The following CLEC2L variants were observed in gnomAD, a reference collection of about 807,000 sequenced individuals.
The protein encoded by CLEC2L is C-type lectin domain family 2 member L.
CLEC2L carries 14 observed loss-of-function variants against 23.6 expected under a neutral mutation model. That is an observed-to-expected ratio of 0.59 (90% confidence interval 0.39 to 0.93). The LOEUF (loss-of-function observed/expected upper bound fraction) is 0.93. Among genes scored for constraint, CLEC2L ranks in the 40% least tolerant of loss-of-function variants. The pLI, the probability that CLEC2L is intolerant of heterozygous loss-of-function variation, is 0.00. For synonymous variants in CLEC2L, 114 were observed against 121.3 expected, an observed-to-expected ratio of 0.94 and a Z score of 0.40; for missense variants, 264 against 282.4, an observed-to-expected ratio of 0.93 and a Z score of 0.47.
intron 4 of CLEC2L, among the ~76,000 whole-genome samples, chr7:139,542,956 G>T (rs2116329827): frequency 6.6e-6 from 1 of 152,288 alleles, no homozygotes; most frequent in Non-Finnish European, 1.5e-5. Flanking sequence ...TAGGCTCTGA[G>T]GTGCCAGCCG....
chr7:139,538,368 G>A (rs1277307528), intron 2 of CLEC2L, among the ~76,000 whole-genome samples: 1 of 151,554 alleles, frequency 6.6e-6, no homozygotes, highest in Non-Finnish European at 1.5e-5. Flanking sequence ...GGGAAGCAGA[G>A]GTTGCAATGA....
intron 1 of CLEC2L, among the ~76,000 whole-genome samples, chr7:139,535,260 G>C (rs1474919620): frequency 1.3e-5 from 2 of 152,216 alleles, no homozygotes; most frequent in Non-Finnish European, 2.9e-5. Context: ...AACAATCTGT[G>C]AAAGGAACCA....
intron 1 of CLEC2L, among the ~76,000 whole-genome samples, chr7:139,530,097 T>C (rs1797558775): frequency 6.6e-6 from 1 of 150,622 alleles, no homozygotes; most frequent in Non-Finnish European, 1.5e-5. Context: ...GGCAGGAGAA[T>C]TGCTTGAACC....
Position 139,540,314 on chromosome 7 carries a change from C to A in CLEC2L, c.266-7C>A. Reference sequence around the variant, plus strand: ...CGGGCAGGGCCGAGCTGGTCTCTTCCCTGCAGCTTCCAAGGGCTGCATCAA... The same window carrying A: ...CGGGCAGGGCCGAGCTGGTCTCTTCACTGCAGCTTCCAAGGGCTGCATCAA... On this transcript the variant is annotated splice_polypyrimidine_tract_variant and splice_region_variant and intron_variant, in intron 2 of 4. Coordinates refer to ENST00000422142, the MANE Select transcript of CLEC2L (RefSeq NM_001080511.4). This position sits in a 1 kb window ranked among gnomAD's most constrained non-coding sequence, Gnocchi z 5.8. 6.2e-7 allele frequency: 1 copy of A among 1,603,848 alleles called. No homozygotes were observed. The highest frequency in any genetic ancestry group is 2.2e-5 in the East Asian group (1 of 44,518).
intron 3 of CLEC2L, among the ~76,000 whole-genome samples, chr7:139,541,365 G>A (rs1797733287): frequency 6.6e-6 from 1 of 152,046 alleles, no homozygotes; most frequent in South Asian, 2.1e-4. Flanking sequence ...AATGCATTGT[G>A]AAATGTGAAA....
At chr7:139,534,092 G>A (rs1585199419) in intron 1 of CLEC2L, 1 of 601,408 alleles carries the variant, frequency 1.7e-6, no homozygotes. Flanking sequence ...ACAAGTATTG[G>A]TGAGAGGATG....
intron 1 of CLEC2L, among the ~76,000 whole-genome samples, chr7:139,524,332 C>A (rs1797475329): frequency 6.6e-6 from 1 of 152,200 alleles, no homozygotes; most frequent in Admixed American, 6.5e-5. Flanking sequence ...CGAGTCACAG[C>A]CTCGACCCCG....
intron 1 of CLEC2L, among the ~76,000 whole-genome samples, chr7:139,532,189 G>A (rs1207366627): frequency 6.6e-6 from 1 of 152,194 alleles, no homozygotes; most frequent in African/African-American, 2.4e-5. Context: ...AATTCTGAAG[G>A]AGAATTATTC....
At chr7:139,544,155 C>A in intron 4 of CLEC2L, 76 bp from the exon 5 acceptor site, 1 of 1,079,808 alleles carries the variant, frequency 9.3e-7, no homozygotes, top group Non-Finnish European at 1.4e-6. Flanking sequence ...ACAGGGCCTC[C>A]ATGGCCTCCC....
intron 1 of CLEC2L, among the ~76,000 whole-genome samples, chr7:139,532,940 A>T (rs1200887902): frequency 6.6e-6 from 1 of 152,252 alleles, no homozygotes; most frequent in East Asian, 1.9e-4. Context: ...ATATTGTCTC[A>T]TCATGAAAGA....
chr7:139,541,937 T>G (rs1044581047), intron 3 of CLEC2L, 84 bp from the exon 4 acceptor site: 1 of 904,236 alleles, frequency 1.1e-6, no homozygotes, highest in African/African-American at 1.7e-5. Flanking sequence ...AGCCAGTATC[T>G]TCCAAGCTGA....
At chr7:139,544,185 T>G (rs766749607) in intron 4 of CLEC2L, 46 bp from the exon 5 acceptor site, 35 of 1,472,540 alleles carry the variant, frequency 2.4e-5, no homozygotes, top group Non-Finnish European at 3.2e-5. Flanking sequence ...GGTTTTGGGC[T>G]GAATGTTCCA....
At chr7:139,526,472 G>T (rs1473844318) in intron 1 of CLEC2L, among the ~76,000 whole-genome samples, 1 of 152,174 alleles carries the variant, frequency 6.6e-6, no homozygotes, top group East Asian at 1.9e-4. Flanking sequence ...CATTGGCCCA[G>T]TGCTGGCTTT....
intron 4 of CLEC2L, among the ~76,000 whole-genome samples, chr7:139,543,522 G>A (rs1797766193): frequency 6.6e-6 from 1 of 152,240 alleles, no homozygotes; most frequent in Admixed American, 6.5e-5. Flanking sequence ...CCTTGGCAGG[G>A]ATCGGAGGTC....
chr7:139,533,529 T>A (rs1797609830), intron 1 of CLEC2L, among the ~76,000 whole-genome samples: 1 of 152,166 alleles, frequency 6.6e-6, no homozygotes, highest in South Asian at 2.1e-4. Flanking sequence ...TTAATTTCTG[T>A]AATTTCTGTA....
intron 1 of CLEC2L, chr7:139,534,562 T>G: frequency 1.3e-6 from 1 of 751,712 alleles, no homozygotes; most frequent in East Asian, 2.4e-5. Flanking sequence ...ATAATTGTAT[T>G]GGAAGCATTA....
In CLEC2L at chr7:139,523,804, C is replaced by G. The variant is rs1797463999; in HGVS notation, c.-124C>G. 1 of 548,982 alleles carries G rather than the reference C, an allele frequency of 1.8e-6. No homozygotes were observed. The highest frequency in any genetic ancestry group is 1.5e-4 in the East Asian group (1 of 6,874). 34.0% of individuals were successfully genotyped at this position (548,982 alleles called of 1,614,324 possible). On this transcript the variant is annotated 5_prime_UTR_variant, in exon 1 of 5. Transcript: ENST00000422142. The surrounding 1 kb of genome is among the most constrained non-coding windows in gnomAD (Gnocchi z 4.1). ...GCTCAGCCCCGGCCTGCCAGCGCCG[C>G]GGTCCTAGCCCACCCGAGGCCGGCC...
chr7:139,534,571 TA>T, intron 1 of CLEC2L: 7 of 741,832 alleles, frequency 9.4e-6, no homozygotes, highest in African/African-American at 1.7e-5. Context: ...TTGGAAGCAT[TA>T]GGGGGGTTGG....
rs1049100819 is a variant in CLEC2L at position 139,540,071 on chromosome 7, A to G, written c.266-250A>G. 6.2e-6 allele frequency: 3 copies of G among 485,294 alleles called. No homozygotes were observed. Among genetic ancestry groups the G allele is most frequent in the Admixed American group, 3.3e-5 (1 of 30,018 alleles). The allele number at this position is 485,294 out of a possible 1,614,324, so 30.1% of individuals were successfully genotyped here. On this transcript the variant is annotated intron_variant, in intron 2 of 4. Transcript: ENST00000422142. The surrounding 1 kb of genome is among the most constrained non-coding windows in gnomAD (Gnocchi z 5.8). ...CATGCCTCTGGGAGTTTGGAGACAG[A>G]GGAGATCCTAACCCAGGGGCTGCCC... is the stretch of plus-strand genomic sequence containing the variant.
Sources: allele counts gnomAD v4.1 joint callset (sites outside exome capture counted in the v4.1 genomes callset), GRCh38; gene constraint gnomAD v4.1.1; non-coding constraint Gnocchi (gnomAD v3.1); transcripts MANE v1.5; gene names NCBI Gene and HGNC (gene_info 2026-07-23, HGNC 2026-07-21).